TNS3: variants seen among roughly 807,000 people sequenced by gnomAD.
The protein encoded by TNS3 is tensin-3.
Under a neutral mutation model 140.9 loss-of-function variants are expected in TNS3, and 45 were observed. The ratio of observed to expected loss-of-function variants is 0.32; its 90% CI spans 0.25 to 0.41. The LOEUF (loss-of-function observed/expected upper bound fraction) is 0.41. Among genes scored for constraint, TNS3 ranks in the 10% least tolerant of loss-of-function variants. The pLI is 1.00. For missense variants in TNS3, 1,716 were observed against 1,906.7 expected, an observed-to-expected ratio of 0.90 and a Z score of 1.86; for synonymous variants, 815 against 788.4, an observed-to-expected ratio of 1.03 and a Z score of -0.56.
intron 13 of TNS3, among the ~76,000 whole-genome samples, chr7:47,408,133 G>C (rs1484015803): frequency 1.3e-5 from 2 of 152,142 alleles, no homozygotes; most frequent in East Asian, 1.9e-4. Flanking sequence ...GAGAACGCCA[G>C]CCCAGGGTGG....
intron 23 of TNS3, among the ~76,000 whole-genome samples, chr7:47,300,988 C>A (rs934778167): frequency 6.6e-6 from 1 of 152,196 alleles, no homozygotes; most frequent in African/African-American, 2.4e-5. Context: ...ACATTCTTAC[C>A]ATTTCTGTCA....
intron 16 of TNS3, among the ~76,000 whole-genome samples, chr7:47,389,089 A>AGAAGAAGAG (rs1792317223): frequency 3.8e-5 from 3 of 78,058 alleles, no homozygotes; most frequent in African/African-American, 1.7e-4. Flanking sequence ...AAGAAGAGGA[A>AGAAGAAGAG]GAGGAAGAGG....
intron 17 of TNS3, among the ~76,000 whole-genome samples, chr7:47,364,497 G>T (rs529606866): frequency 2.9e-4 from 44 of 152,236 alleles, no homozygotes; most frequent in African/African-American, 1.0e-3. Flanking sequence ...GGCCAGGCTG[G>T]TCTTGAACTC....
At chr7:47,318,580 T>A (rs996388792) in intron 20 of TNS3, among the ~76,000 whole-genome samples, 1 of 152,228 alleles carries the variant, frequency 6.6e-6, no homozygotes, top group Non-Finnish European at 1.5e-5. Context: ...AAAAGAGCCA[T>A]CTGACCCTCC....
At chr7:47,295,713 C>T (rs754221366) in intron 24 of TNS3, among the ~76,000 whole-genome samples, 2 of 152,158 alleles carry the variant, frequency 1.3e-5, no homozygotes, top group Non-Finnish European at 2.9e-5. Flanking sequence ...CCCACCCCTT[C>T]CACTCTCACA....
intron 4 of TNS3, among the ~76,000 whole-genome samples, chr7:47,478,057 T>C (rs1797259709): frequency 6.6e-6 from 1 of 152,174 alleles, no homozygotes; most frequent in Non-Finnish European, 1.5e-5. Flanking sequence ...GGCCCTCTCA[T>C]GACCCCACAC....
chr7:47,502,435 T>C (rs1206170083), intron 3 of TNS3, among the ~76,000 whole-genome samples: 3 of 152,170 alleles, frequency 2.0e-5, no homozygotes, highest in Non-Finnish European at 2.9e-5. Flanking sequence ...AGCCATAAAC[T>C]CTAGGTCCCG....
chr7:47,563,286 G>A (rs933116674), intron 1 of TNS3, among the ~76,000 whole-genome samples: 5 of 152,214 alleles, frequency 3.3e-5, no homozygotes, highest in East Asian at 1.9e-4. Context: ...CCATCTGGAC[G>A]GTGAGATAAA....
intron 27 of TNS3, among the ~76,000 whole-genome samples, chr7:47,284,394 C>G (rs980890352): frequency 3.6e-4 from 55 of 152,312 alleles, no homozygotes; most frequent in African/African-American, 1.2e-3. Context: ...CTGGAAAAAG[C>G]CAAAAGTGGC....
chr7:47,286,027 C>A (rs1350266918), intron 27 of TNS3, among the ~76,000 whole-genome samples: 1 of 152,154 alleles, frequency 6.6e-6, no homozygotes, highest in Admixed American at 6.5e-5. Context: ...CTGGAGAATT[C>A]AAAACAGACT....
chr7:47,439,346 G>A (rs899793101), intron 6 of TNS3, 141 bp downstream of exon 6: 6 of 912,176 alleles, frequency 6.6e-6, no homozygotes, highest in South Asian at 3.5e-5. Context: ...GACAGAGGAC[G>A]AAGGCGCCAC....
intron 27 of TNS3, among the ~76,000 whole-genome samples, chr7:47,287,496 A>T (rs951140394): frequency 6.6e-6 from 1 of 152,246 alleles, no homozygotes; most frequent in East Asian, 1.9e-4. Context: ...AGGACAACAG[A>T]TGAAGTTCAG....
At chr7:47,283,969 A>G (rs1785280431) in intron 27 of TNS3, 104 bp from the exon 28 acceptor site, 2 of 1,141,268 alleles carry the variant, frequency 1.8e-6, no homozygotes, top group Non-Finnish European at 2.4e-6. Context: ...TTTATGAACA[A>G]CTTGCGCATG....
At chr7:47,422,636 A>AG (rs1794433595) in intron 10 of TNS3, among the ~76,000 whole-genome samples, 1 of 125,652 alleles carries the variant, frequency 8.0e-6, no homozygotes, top group Non-Finnish European at 1.8e-5. Context: ...AGAAAAGAAA[A>AG]AAAAAATGAA....
At chr7:47,468,970 C>CA (rs1276078629) in intron 4 of TNS3, among the ~76,000 whole-genome samples, 7 of 152,122 alleles carry the variant, frequency 4.6e-5, no homozygotes. Flanking sequence ...ACAAGGTCAA[C>CA]AAAAACAAGC....
At position 47,344,780 on chromosome 7, in the gene TNS3, T is replaced by A; in HGVS notation, c.2625A>T (p.Pro875=). The part of the protein sequence containing the change: ...FSPPEPPLSS[P]ASQHKGGREP... ...CACGTCCTCCTTTGTGCTGACTGGC[T>A]GGGCTGCTCAGCGGGGGCTCAGGTG... Residue 875 remains proline (P), a synonymous_variant, in exon 20 of 31, where the codon CCA becomes CCT. Transcript: ENST00000311160. 1 of 1,613,120 alleles carries A rather than the reference T, an allele frequency of 6.2e-7. No homozygotes were observed. Among genetic ancestry groups the A allele is most frequent in the South Asian group, 1.1e-5 (1 of 91,036 alleles).
chr7:47,544,969 G>A (rs1799881013), intron 1 of TNS3, among the ~76,000 whole-genome samples: 1 of 151,770 alleles, frequency 6.6e-6, no homozygotes, highest in South Asian at 2.1e-4. Flanking sequence ...GAAAAGCCTG[G>A]AGATCCACGA....
intron 1 of TNS3, among the ~76,000 whole-genome samples, chr7:47,541,776 G>GTC (rs1409325910): frequency 2.0e-5 from 3 of 151,988 alleles, no homozygotes; most frequent in African/African-American, 7.3e-5. Flanking sequence ...GTGAAACCCT[G>GTC]TCTCTACTAA....
intron 3 of TNS3, among the ~76,000 whole-genome samples, chr7:47,487,598 G>C (rs940491496): frequency 1.4e-4 from 21 of 152,090 alleles, no homozygotes; most frequent in Non-Finnish European, 8.8e-5. Context: ...CAAATCCGTG[G>C]GACAGCATTC....
Sources: allele counts gnomAD v4.1 joint callset (sites outside exome capture counted in the v4.1 genomes callset), GRCh38; gene constraint gnomAD v4.1.1; transcripts MANE v1.5; gene names NCBI Gene and HGNC (gene_info 2026-07-23, HGNC 2026-07-21).